The following RAD54L variants were observed in gnomAD, a reference collection of about 807,000 sequenced individuals.
RAD54L encodes the protein DNA repair and recombination protein RAD54-like.
RAD54L carries 74 observed loss-of-function variants against 91.6 expected under a neutral mutation model. The ratio of observed to expected loss-of-function variants is 0.81; its 90% CI spans 0.67 to 0.98. The LOEUF is 0.98. RAD54L is among the 50% of genes least tolerant of loss of function. RAD54L has a pLI of 0.00. For synonymous variants in RAD54L, 304 were observed against 349.7 expected (o/e 0.87, Z 1.46); for missense variants, 887 against 945.7 (o/e 0.94, Z 0.81).
At chr1:46,261,105 A>G in intron 7 of RAD54L, 90 bp downstream of exon 7, 1 of 1,549,108 alleles carries the variant, frequency 6.5e-7, no homozygotes, top group Non-Finnish European at 8.8e-7. Flanking sequence ...GGTGGAGGGC[A>G]ATGCAGGGGT....
chr1:46,257,921 A>G (rs955574950), intron 3 of RAD54L, among the ~76,000 whole-genome samples: 3 of 152,242 alleles, frequency 2.0e-5, no homozygotes, highest in Non-Finnish European at 4.4e-5. Context: ...TGTAAAATGG[A>G]AACACCAGTA....
intron 14 of RAD54L, 33 bp downstream of exon 14, chr1:46,273,780 G>T: frequency 6.3e-7 from 1 of 1,576,928 alleles, no homozygotes; most frequent in Non-Finnish European, 8.6e-7. Context: ...TGCCAAAGGG[G>T]GATATACCCC....
rs768472959 is a variant in RAD54L, at chr1:46,274,710, T to C, written c.1862T>C (p.Leu621Pro). 16 of 1,614,136 alleles carry C rather than the reference T, an allele frequency of 9.9e-6. No individual in the cohort carries two copies. In the East Asian group the frequency reaches 3.1e-4, roughly 31 times the overall value. The change falls in exon 16 of 18, where the codon CTG (leucine) becomes CCG (proline). Residue 621 changes from leucine (L) to proline (P), a missense_variant. Coordinates refer to ENST00000371975, the MANE Select transcript of RAD54L (RefSeq NM_003579.4). ...AAGAAGACTTGCTATATCTACCGCCTGCTGTCTGTAAGGATGGTGATAGTA... is the reference window on the plus strand; with the variant it reads ...AAGAAGACTTGCTATATCTACCGCCCGCTGTCTGTAAGGATGGTGATAGTA... ...GQKKTCYIYR[L>P]LSAGTIEEKI...
rs72901065 is a variant in RAD54L at position 46,277,046 on chromosome 1, C to T, written c.1870-771C>T. Among the ~76,000 whole-genome samples, 1,261 of 152,242 alleles carry T rather than the reference C, an allele frequency of 8.3e-3. 19 individuals are homozygous for T. The highest frequency in any genetic ancestry group is 0.037 in the Middle Eastern group (11 of 294). ...TCCTGACTTTGTGATCTGCCTGCCTCGGCCTCCAAAATTGCAGGGATTACA... is the reference window on the plus strand; with the variant it reads ...TCCTGACTTTGTGATCTGCCTGCCTTGGCCTCCAAAATTGCAGGGATTACA... On this transcript the variant is annotated intron_variant, in intron 16 of 17. Coordinates refer to ENST00000371975, the MANE Select transcript of RAD54L (RefSeq NM_003579.4).
chr1:46,248,682 C>T, intron 2 of RAD54L, 84 bp downstream of exon 2: 1 of 1,206,388 alleles, frequency 8.3e-7, no homozygotes, highest in Non-Finnish European at 1.2e-6. Flanking sequence ...GGTTACATAG[C>T]CAATTCCAGA....
In RAD54L at chr1:46,272,635, G is replaced by T. The variant is rs28363236; in HGVS notation, c.1245-37G>T. On this transcript the variant is annotated intron_variant, in intron 11 of 17. Coordinates refer to ENST00000371975, the MANE Select transcript of RAD54L (RefSeq NM_003579.4). Reference sequence around the variant, plus strand: ...GGTGTTCTCAGAGGGCAGGAGGGTGGTCTAGCTTTTTCCACTGACCCAGCT... The same window carrying T: ...GGTGTTCTCAGAGGGCAGGAGGGTGTTCTAGCTTTTTCCACTGACCCAGCT... The T allele has an allele frequency of 8.8e-4, 1,418 of 1,614,126 alleles. 8 individuals are homozygous for T. In the African/African-American group the frequency reaches 0.016, roughly 18 times the overall value.
chr1:46,261,028 A>G lies in RAD54L; in HGVS notation c.766+13A>G, dbSNP rs1043378293. 19 of 1,611,394 alleles carry G rather than the reference A, an allele frequency of 1.2e-5. No individual in the cohort carries two copies. The highest frequency in any genetic ancestry group is 1.4e-5 in the Non-Finnish European group (16 of 1,179,386). ...GACCAAAAGCTGGGTACGGAGCCCT[A>G]ACAAAGATGGCTGCACTCTCCTGCA... On this transcript the variant is annotated intron_variant, in intron 7 of 17. Coordinates refer to ENST00000371975, the MANE Select transcript of RAD54L (RefSeq NM_003579.4).
At chr1:46,249,967 C>T in intron 2 of RAD54L, 33 bp from the exon 3 acceptor site, 1 of 1,612,158 alleles carries the variant, frequency 6.2e-7, no homozygotes, top group Non-Finnish European at 8.5e-7. Context: ...CTGTGGTCTT[C>T]TAGACTTCAC....
Position 46,277,943 on chromosome 1 carries a change from A to G in RAD54L, c.1996A>G (p.Ile666Val), listed in dbSNP as rs767901196. 4.3e-6 allele frequency: 7 copies of G among 1,614,140 alleles called. No individual in the cohort carries two copies. The Admixed American group carries it at 5.0e-5, about 12-fold the overall frequency. Residue 666 changes from isoleucine (I) to valine (V), a missense_variant, in exon 17 of 18, where the codon ATC becomes GTC. Coordinates refer to ENST00000371975, the MANE Select transcript of RAD54L (RefSeq NM_003579.4). The part of the protein sequence containing the change: ...FSLGELKELF[I>V]LDEASLSDTH... ...TCTGGGCGAGTTGAAGGAGCTGTTTATCCTGGATGAAGCTAGCCTCAGTGA... is the reference window on the plus strand; with the variant it reads ...TCTGGGCGAGTTGAAGGAGCTGTTTGTCCTGGATGAAGCTAGCCTCAGTGA...
At chr1:46,260,202 A>G (rs1292664975) in intron 5 of RAD54L, 103 bp downstream of exon 5, 9 of 1,535,948 alleles carry the variant, frequency 5.9e-6, no homozygotes, top group East Asian at 2.2e-5. Context: ...TAGGATTGAC[A>G]TATGTTTTCA....
chr1:46,263,202 T>A lies in RAD54L; in HGVS notation c.891+1817T>A, dbSNP rs528891071. On this transcript the variant is annotated intron_variant, in intron 8 of 17. Transcript: ENST00000371975. The surrounding 1 kb of genome is among the most constrained non-coding windows in gnomAD (Gnocchi z 4.3). Reference sequence around the variant, plus strand: ...TTCTGGAACTAAGGGAATATGGCCGTAGTTACTTCCTGGCCTTTTCCAGTA... The same window carrying A: ...TTCTGGAACTAAGGGAATATGGCCGAAGTTACTTCCTGGCCTTTTCCAGTA... Among the ~76,000 whole-genome samples the A allele has an allele frequency of 6.6e-6, 1 of 152,292 alleles. No individual in the cohort carries two copies. Among genetic ancestry groups the A allele is most frequent in the East Asian group, 1.9e-4 (1 of 5,188 alleles).
intron 2 of RAD54L, 128 bp from the exon 3 acceptor site, chr1:46,249,872 A>G: frequency 1.0e-6 from 1 of 984,104 alleles, no homozygotes; most frequent in Non-Finnish European, 1.6e-6. Flanking sequence ...TATGAAGATG[A>G]TACACTATGA....
intron 10 of RAD54L, among the ~76,000 whole-genome samples, chr1:46,271,384 G>A (rs1414253901): frequency 6.6e-6 from 1 of 152,158 alleles, no homozygotes; most frequent in Non-Finnish European, 1.5e-5. Flanking sequence ...GGACGGGCAT[G>A]GTGGCTCACG....
In RAD54L at chr1:46,278,464, T is replaced by C; in HGVS notation, c.*182T>C. 1 of 767,326 alleles carries C rather than the reference T, an allele frequency of 1.3e-6. No homozygotes were observed. The highest frequency in any genetic ancestry group is 1.7e-5 in the South Asian group (1 of 58,120). 47.5% of individuals were successfully genotyped at this position (767,326 alleles called of 1,614,324 possible). ...TTGGTTAAAAAAAAGAATAAAGGTA[T>C]GAAAGGGTTTGAGGCCTGAGAGCAG... On this transcript the variant is annotated 3_prime_UTR_variant, in exon 18 of 18. Transcript: ENST00000371975.
In RAD54L at chr1:46,257,651, C is replaced by T. The variant is rs145088068; in HGVS notation, c.211-1035C>T. Reference sequence around the variant, plus strand: ...ACCCACATATGTCTACCTGCTGTCACCCTTGTCCCACTTGCTTTTTCTTAG... The same window carrying T: ...ACCCACATATGTCTACCTGCTGTCATCCTTGTCCCACTTGCTTTTTCTTAG... On this transcript the variant is annotated intron_variant, in intron 3 of 17. Coordinates refer to ENST00000371975, the MANE Select transcript of RAD54L (RefSeq NM_003579.4). Among the ~76,000 whole-genome samples, 474 of 152,350 alleles carry T rather than the reference C, an allele frequency of 3.1e-3. 3 individuals carry two copies. The highest frequency in any genetic ancestry group is 6.8e-3 in the Middle Eastern group (2 of 294).
intron 3 of RAD54L, among the ~76,000 whole-genome samples, chr1:46,255,330 C>T (rs1366654612): frequency 1.3e-5 from 2 of 151,962 alleles, no homozygotes; most frequent in African/African-American, 4.8e-5. Flanking sequence ...AAGCTTTAGC[C>T]TTGGTGGGGA....
intron 2 of RAD54L, 125 bp from the exon 3 acceptor site, chr1:46,249,875 C>T: frequency 9.8e-7 from 1 of 1,015,630 alleles, no homozygotes; most frequent in Non-Finnish European, 1.5e-6. Flanking sequence ...GAAGATGATA[C>T]ACTATGACAT....
chr1:46,257,273 A>G (rs1303396790), intron 3 of RAD54L, among the ~76,000 whole-genome samples: 1 of 151,870 alleles, frequency 6.6e-6, no homozygotes, highest in Non-Finnish European at 1.5e-5. Flanking sequence ...TTTTTTTCCT[A>G]TTAGACTATG....
At position 46,277,824 on chromosome 1, in the gene RAD54L, C is replaced by T. The variant is rs984975733; in HGVS notation, c.1877C>T (p.Thr626Ile). The T allele has an allele frequency of 6.2e-7, 1 of 1,607,820 alleles. No individual in the cohort carries two copies. The highest frequency in any genetic ancestry group is 8.5e-7 in the Non-Finnish European group (1 of 1,174,552). Residue 626 changes from threonine (T) to isoleucine (I), a missense_variant, in exon 17 of 18, where the codon ACC (threonine) becomes ATC (isoleucine). Thr to Ile is a moderately conservative substitution (Grantham distance 89, BLOSUM62 -1). Coordinates refer to ENST00000371975, the MANE Select transcript of RAD54L (RefSeq NM_003579.4). The stretch of plus-strand genomic sequence containing the variant: ...CCACCTCCTCTTCCCCAGGCAGGGA[C>T]CATTGAGGAGAAGATCTTCCAGCGT... ...CYIYRLLSAG[T>I]IEEKIFQRQS...
Sources: allele counts gnomAD v4.1 joint callset (sites outside exome capture counted in the v4.1 genomes callset), GRCh38; gene constraint gnomAD v4.1.1; non-coding constraint Gnocchi (gnomAD v3.1); transcripts MANE v1.5; gene names NCBI Gene and HGNC (gene_info 2026-07-23, HGNC 2026-07-21).